FGD6: variants seen among roughly 807,000 people sequenced by gnomAD.
FGD6 encodes the protein FYVE, RhoGEF and PH domain-containing protein 6.
FGD6 carries 90 observed loss-of-function variants against 149.4 expected under a neutral mutation model. The observed-to-expected ratio is 0.60, with a 90% CI of 0.51 to 0.72. The LOEUF (loss-of-function observed/expected upper bound fraction) is 0.72, where lower values mean the gene tolerates loss of function less well. Ranked by LOEUF, FGD6 falls within the 30% of genes least tolerant of loss-of-function variation. The probability of loss-of-function intolerance (pLI) is 0.00; values close to 1 mark genes in which losing one functional copy is unlikely to be tolerated. For synonymous variants in FGD6, 527 were observed against 584.0 expected (o/e 0.90, Z 1.41); for missense variants, 1,437 against 1,684.8 (o/e 0.85, Z 2.57).
At chr12:95,122,449 C>T (rs1879218352) in intron 8 of FGD6, among the ~76,000 whole-genome samples, 1 of 151,440 alleles carries the variant, frequency 6.6e-6, no homozygotes, top group Non-Finnish European at 1.5e-5. Context: ...AGTTTGAGAC[C>T]AGCCTAGCCA....
intron 3 of FGD6, among the ~76,000 whole-genome samples, chr12:95,158,427 A>T (rs1346765943): frequency 6.6e-6 from 1 of 151,362 alleles, no homozygotes; most frequent in East Asian, 1.9e-4. Flanking sequence ...TGCCTGCCTC[A>T]GCCTCCCAAA....
At chr12:95,153,069 T>C in intron 3 of FGD6, 76 bp from the exon 4 acceptor site, 1 of 1,301,700 alleles carries the variant, frequency 7.7e-7, no homozygotes, top group South Asian at 1.2e-5. Flanking sequence ...CAGACACGAA[T>C]TTTAACTCTG....
chr12:95,116,618 GCAGAAAA>G (rs1879022443), intron 8 of FGD6, among the ~76,000 whole-genome samples: 1 of 152,124 alleles, frequency 6.6e-6, no homozygotes, highest in Admixed American at 6.5e-5. Flanking sequence ...AATACACTGA[GCAGAAAA>G]CCCACCGTTA....
At chr12:95,112,803 A>G (rs1228621628) in intron 9 of FGD6, among the ~76,000 whole-genome samples, 2 of 152,196 alleles carry the variant, frequency 1.3e-5, no homozygotes, top group African/African-American at 2.4e-5. Context: ...CTCATGTTGT[A>G]ATGGATTGTT....
intron 5 of FGD6, among the ~76,000 whole-genome samples, chr12:95,145,576 T>G (rs574991988): frequency 6.6e-6 from 1 of 152,318 alleles, no homozygotes; most frequent in African/African-American, 2.4e-5. Flanking sequence ...ACGCCCACTT[T>G]GCTCCTCCTT....
chr12:95,198,596 C>G (rs112357674), intron 2 of FGD6, among the ~76,000 whole-genome samples: 1 of 152,040 alleles, frequency 6.6e-6, no homozygotes, highest in African/African-American at 2.4e-5. Context: ...CCCGCCACCA[C>G]GCCCGGCTAA....
intron 5 of FGD6, among the ~76,000 whole-genome samples, chr12:95,151,553 C>A (rs185383491): frequency 1.0e-3 from 153 of 152,292 alleles, no homozygotes; most frequent in African/African-American, 3.6e-3. Flanking sequence ...CAGTCATGAG[C>A]CACCACACCA....
At position 95,113,501 on chromosome 12, in the gene FGD6, G is replaced by C. The variant is rs954273915; in HGVS notation, c.3133+150C>G. On this transcript the variant is annotated intron_variant, in intron 9 of 20. Coordinates refer to ENST00000343958, the MANE Select transcript of FGD6 (RefSeq NM_018351.4). ...TCTACCCGCCTCGGCCTCCCAAACTGCTGGGATTACAGGTGTGAGCCACCG... is the reference window on the plus strand; with the variant it reads ...TCTACCCGCCTCGGCCTCCCAAACTCCTGGGATTACAGGTGTGAGCCACCG... 1.0e-4 allele frequency: 63 copies of C among 622,290 alleles called. 1 individual carries two copies. The African/African-American group carries it at 1.2e-3, about 11-fold the overall frequency. The allele number at this position is 622,290 out of a possible 1,614,324, so 38.5% of individuals were successfully genotyped here. A position where few individuals can be genotyped will look rare whatever the true frequency, so the allele number is the denominator to read the frequency against.
At chr12:95,183,819 A>G (rs1167388050) in intron 2 of FGD6, among the ~76,000 whole-genome samples, 2 of 152,220 alleles carry the variant, frequency 1.3e-5, no homozygotes, top group Non-Finnish European at 2.9e-5. Flanking sequence ...GCTGGGTGAC[A>G]GAGCAAGAAC....
intron 14 of FGD6, chr12:95,100,833 C>T (rs1592831001): frequency 2.6e-6 from 1 of 389,362 alleles, no homozygotes; most frequent in Non-Finnish European, 5.0e-6. Flanking sequence ...AGGACCTTGC[C>T]GTCTTGTTGG....
chr12:95,085,472 G>A lies in FGD6; in HGVS notation c.4107+308C>T, dbSNP rs551914795. 4.3e-5 allele frequency: 14 copies of A among 328,606 alleles called. No individual in the cohort carries two copies. The South Asian group carries it at 1.1e-3, about 25-fold the overall frequency. The allele number at this position is 328,606 out of a possible 1,614,324, so 20.4% of individuals were successfully genotyped here. On this transcript the variant is annotated intron_variant, in intron 19 of 20. Coordinates refer to ENST00000343958, the MANE Select transcript of FGD6 (RefSeq NM_018351.4). Reference sequence around the variant, plus strand: ...CCCCCACTCAGCCTCCCAAAGTGCTGGGATTACAGGTGTGAGCCAGTGCAC... The same window carrying A: ...CCCCCACTCAGCCTCCCAAAGTGCTAGGATTACAGGTGTGAGCCAGTGCAC...
chr12:95,094,066 G>A (rs1878159137), intron 15 of FGD6, among the ~76,000 whole-genome samples: 1 of 151,642 alleles, frequency 6.6e-6, no homozygotes, highest in Admixed American at 6.6e-5. Context: ...GGCTGAGGCA[G>A]GAGAACCACT....
intron 16 of FGD6, 59 bp downstream of exon 16, chr12:95,092,640 C>T: frequency 6.5e-7 from 1 of 1,549,334 alleles, no homozygotes; most frequent in Non-Finnish European, 8.8e-7. Flanking sequence ...TGCTTCCTCA[C>T]TATGTACAGC....
At chr12:95,147,650 A>G (rs1880054175) in intron 5 of FGD6, among the ~76,000 whole-genome samples, 1 of 152,178 alleles carries the variant, frequency 6.6e-6, no homozygotes, top group Admixed American at 6.5e-5. Flanking sequence ...AACTAAGTAC[A>G]AGGGCTCAGA....
intron 2 of FGD6, among the ~76,000 whole-genome samples, chr12:95,173,257 T>G (rs1421695183): frequency 6.6e-6 from 1 of 152,218 alleles, no homozygotes; most frequent in Non-Finnish European, 1.5e-5. Context: ...TGGTTATCAC[T>G]GTTCTGTTCA....
chr12:95,099,573 T>C (rs1249540762), intron 14 of FGD6, among the ~76,000 whole-genome samples: 1 of 152,170 alleles, frequency 6.6e-6, no homozygotes, highest in African/African-American at 2.4e-5. Flanking sequence ...GTTCAATGAT[T>C]TCCCCTGCAG....
chr12:95,211,746 A>G (rs914633307), intron 1 of FGD6, among the ~76,000 whole-genome samples: 2 of 151,944 alleles, frequency 1.3e-5, no homozygotes, highest in African/African-American at 4.8e-5. Context: ...CACCATGTTG[A>G]TCAGGCTGGT....
At chr12:95,204,216 T>C (rs548169884) in intron 2 of FGD6, among the ~76,000 whole-genome samples, 14 of 152,272 alleles carry the variant, frequency 9.2e-5, no homozygotes, top group African/African-American at 2.9e-4. Flanking sequence ...CCTAAAGCTA[T>C]GGTTTCTCCA....
In FGD6 at chr12:95,210,684, G is replaced by C; in HGVS notation, c.600C>G (p.His200Gln). The C allele has an allele frequency of 1.2e-6, 2 of 1,614,028 alleles. No homozygotes were observed. The highest frequency in any genetic ancestry group is 1.7e-6 in the Non-Finnish European group (2 of 1,180,008). ...QMPPFISAQK[H>Q]RPTDSPEMNG... ...TCATTTCTGGGCTGTCTGTGGGCCT[G>C]TGCTTCTGTGCAGAAATAAAAGGTG... The change falls in exon 2 of 21, where the codon CAC (histidine) becomes CAG (glutamine). Residue 200 changes from histidine to glutamine, a missense_variant. By Grantham distance (24) the His-to-Gln change is conservative. Coordinates refer to ENST00000343958, the MANE Select transcript of FGD6 (RefSeq NM_018351.4).
Sources: gnomAD v4.1 joint callset for allele counts (sites outside exome capture counted in the v4.1 genomes callset) on GRCh38, gnomAD v4.1.1 for gene constraint, MANE v1.5 for transcripts, NCBI Gene and HGNC (gene_info 2026-07-23, HGNC 2026-07-21) for gene names.